The following PPM1B variants were observed in gnomAD, a reference collection of about 807,000 sequenced individuals.
The protein encoded by PPM1B is protein phosphatase 1B.
PPM1B carries 22 observed loss-of-function variants against 43.0 expected under a neutral mutation model. The ratio of observed to expected loss-of-function variants is 0.51; its 90% CI spans 0.37 to 0.73. PPM1B has a LOEUF of 0.73. Among genes scored for constraint, PPM1B ranks in the 30% least tolerant of loss-of-function variants. The probability of loss-of-function intolerance (pLI) is 0.00; values close to 1 mark genes in which losing one functional copy is unlikely to be tolerated. For missense variants in PPM1B, 632 were observed against 584.2 expected (o/e 1.08, Z -0.84); for synonymous variants, 217 against 197.9 (o/e 1.10, Z -0.81).
Position 44,201,519 on chromosome 2 carries a change from G to A in PPM1B, c.320G>A (p.Arg107Lys). Residue 107 changes from arginine (R) to lysine (K), a missense_variant, in exon 2 of 6, where the codon AGA becomes AAA. Around this residue, in one of 3 missense-constraint regions of PPM1B, gnomAD observed 200 missense variants for 200.7 expected, o/e 1.00. Coordinates refer to ENST00000282412, the MANE Select transcript of PPM1B (RefSeq NM_002706.6). This position sits in a 1 kb window ranked among gnomAD's most constrained non-coding sequence, Gnocchi z 5.4. ...GTGGAAAATGTTAAGAATGGTATCA[G>A]AACTGGATTTTTGAAAATTGATGAA... ...LSVENVKNGI[R>K]TGFLKIDEYM... is the part of the protein sequence containing the mutation. The A allele has an allele frequency of 6.2e-7, 1 of 1,614,218 alleles. No homozygotes were observed. The highest frequency in any genetic ancestry group is 1.1e-5 in the South Asian group (1 of 91,086).
At chr2:44,208,537 A>AC (rs1242948529) in intron 2 of PPM1B, among the ~76,000 whole-genome samples, 1 of 151,678 alleles carries the variant, frequency 6.6e-6, no homozygotes, top group Non-Finnish European at 1.5e-5. Context: ...ACATGGTGAA[A>AC]CCCCATCTCT....
At chr2:44,235,145 T>A (rs112220605), downstream of PPM1B, among the ~76,000 whole-genome samples, 107 of 152,348 alleles carry the variant, frequency 7.0e-4, no homozygotes, top group African/African-American at 2.4e-3. Flanking sequence ...AGAGGACTTT[T>A]CTTAGTTTGT....
At chr2:44,193,568 T>G (rs1357514984) in intron 1 of PPM1B, among the ~76,000 whole-genome samples, 8 of 146,540 alleles carry the variant, frequency 5.5e-5, no homozygotes, top group Non-Finnish European at 1.0e-4. Context: ...TAATTAAAAT[T>G]TTTTTTCTTT....
At chr2:44,194,444 C>G (rs1449636331) in intron 1 of PPM1B, among the ~76,000 whole-genome samples, 3 of 152,148 alleles carry the variant, frequency 2.0e-5, no homozygotes, top group African/African-American at 7.2e-5. Flanking sequence ...GCTGAGCAGG[C>G]CGGGCGTGTT....
At chr2:44,226,735 C>CTTTTTTTTT (rs60750702) in intron 5 of PPM1B, among the ~76,000 whole-genome samples, 17 of 66,670 alleles carry the variant, frequency 2.5e-4, no homozygotes, top group East Asian at 9.6e-4. Context: ...AGGTTTTTAT[C>CTTTTTTTTT]TTTTTTTTTT....
At chr2:44,187,856 T>C (rs1668199102) in intron 1 of PPM1B, among the ~76,000 whole-genome samples, 1 of 152,100 alleles carries the variant, frequency 6.6e-6, no homozygotes, top group Non-Finnish European at 1.5e-5. Context: ...TTCACGCCAT[T>C]CTCCTGCCTC....
chr2:44,244,982 G>A (rs1035264735), downstream of PPM1B, among the ~76,000 whole-genome samples: 3 of 151,728 alleles, frequency 2.0e-5, no homozygotes, highest in Non-Finnish European at 4.4e-5. Flanking sequence ...CTATAGCGGT[G>A]TAACAGTGTA....
chr2:44,171,361 A>G (rs1667334352), intron 1 of PPM1B, among the ~76,000 whole-genome samples: 1 of 152,214 alleles, frequency 6.6e-6, no homozygotes, highest in Non-Finnish European at 1.5e-5. Context: ...AGAACAGCTG[A>G]TTCACAGGTT....
intron 3 of PPM1B, among the ~76,000 whole-genome samples, chr2:44,210,375 C>T (rs1459175164): frequency 6.6e-6 from 1 of 152,048 alleles, no homozygotes; most frequent in Non-Finnish European, 1.5e-5. Context: ...CGTGCCACCA[C>T]AGCTGGCTAG....
rs1462837140 is a variant in PPM1B, at chr2:44,231,382, C to T, written c.*664C>T. 3.0e-5 allele frequency: 29 copies of T among 971,914 alleles called. No homozygotes were observed. The highest frequency in any genetic ancestry group is 3.5e-5 in the African/African-American group (2 of 56,852). 60.2% of individuals were successfully genotyped at this position (971,914 alleles called of 1,614,324 possible). On this transcript the variant is annotated 3_prime_UTR_variant, in exon 6 of 6. Coordinates refer to ENST00000282412, the MANE Select transcript of PPM1B (RefSeq NM_002706.6). ...GGTTTGTATATTCTGTATAGCCTAACTACACACATCAAAATGTATGTCAAC... is the reference window on the plus strand; with the variant it reads ...GGTTTGTATATTCTGTATAGCCTAATTACACACATCAAAATGTATGTCAAC...
At chr2:44,241,459 C>T (rs921989772) in intron 5 of PPM1B, among the ~76,000 whole-genome samples, 2 of 143,212 alleles carry the variant, frequency 1.4e-5, no homozygotes, top group African/African-American at 5.0e-5. Flanking sequence ...AGGCCAGGCT[C>T]GGTGGCTCAC....
At chr2:44,219,430 A>T (rs572297299) in intron 5 of PPM1B, among the ~76,000 whole-genome samples, 2 of 152,052 alleles carry the variant, frequency 1.3e-5, no homozygotes, top group Admixed American at 6.5e-5. Flanking sequence ...TGTCATCTCA[A>T]TTGCATTATT....
chr2:44,216,357 C>A (rs569197418), intron 3 of PPM1B, among the ~76,000 whole-genome samples: 6 of 151,908 alleles, frequency 3.9e-5, no homozygotes, highest in Non-Finnish European at 8.8e-5. Flanking sequence ...GGACAGCCCC[C>A]ACAACAAAAA....
intron 5 of PPM1B, among the ~76,000 whole-genome samples, chr2:44,227,765 C>G (rs781118935): frequency 2.6e-5 from 4 of 151,582 alleles, no homozygotes; most frequent in Non-Finnish European, 4.4e-5. Context: ...GGTGATCCAC[C>G]CATCTCAGCC....
chr2:44,207,801 T>C (rs1353196115), intron 2 of PPM1B, among the ~76,000 whole-genome samples: 3 of 152,048 alleles, frequency 2.0e-5, no homozygotes, highest in South Asian at 2.1e-4. Flanking sequence ...CAGGCTGGTC[T>C]GGAACTCTTG....
chr2:44,196,512 C>G (rs1172602744), intron 1 of PPM1B, among the ~76,000 whole-genome samples: 1 of 152,148 alleles, frequency 6.6e-6, no homozygotes, highest in Non-Finnish European at 1.5e-5. Context: ...TAGAGTTATT[C>G]TCTCCCTCGT....
downstream of PPM1B, chr2:44,233,252 T>C (rs1256404229): frequency 2.2e-6 from 2 of 889,950 alleles, no homozygotes; most frequent in African/African-American, 1.8e-5. Flanking sequence ...GAATATCACA[T>C]TGAAATTACT....
At chr2:44,245,157 A>G (rs1187740126), downstream of PPM1B, among the ~76,000 whole-genome samples, 2 of 152,172 alleles carry the variant, frequency 1.3e-5, no homozygotes, top group Non-Finnish European at 2.9e-5. Context: ...CAGCCAATAA[A>G]GCAAACTCTT....
chr2:44,206,270 C>A (rs1271171989), intron 2 of PPM1B, among the ~76,000 whole-genome samples: 1 of 152,098 alleles, frequency 6.6e-6, no homozygotes, highest in Non-Finnish European at 1.5e-5. Flanking sequence ...AAACTTTATA[C>A]TGATTATACA....
Sources: gnomAD v4.1 joint callset for allele counts (sites outside exome capture counted in the v4.1 genomes callset) on GRCh38, gnomAD v4.1.1 for gene constraint, gnomAD v4.1.1 regional missense constraint, Gnocchi (gnomAD v3.1) non-coding constraint, MANE v1.5 for transcripts, NCBI Gene and HGNC (gene_info 2026-07-23, HGNC 2026-07-21) for gene names.